Variants in CSMD1 observed in about 807,000 individuals in gnomAD.
CSMD1 encodes the protein CUB and Sushi multiple domains 1, also known as CUB and sushi domain-containing protein 1.
A neutral mutation model predicts 417.5 loss-of-function variants in CSMD1; 213 were observed. The observed-to-expected ratio is 0.51, with a 90% confidence interval of 0.46 to 0.57. The LOEUF (loss-of-function observed/expected upper bound fraction) is 0.57, where lower values mean the gene tolerates loss of function less well. CSMD1 is among the 20% of genes least tolerant of loss of function. The pLI, the probability that CSMD1 is intolerant of heterozygous loss-of-function variation, is 0.00. For synonymous variants in CSMD1, 2,862 were observed against 1,736.8 expected, an observed-to-expected ratio of 1.65 and a Z score of -16.11; for missense variants, 6,923 against 4,529.7, an observed-to-expected ratio of 1.53 and a Z score of -15.17.
At chr8:3,284,517 T>A (rs1424294320) in intron 25 of CSMD1, 171 bp from the exon 26 acceptor site, 8 of 612,962 alleles carry the variant, frequency 1.3e-5, no homozygotes, top group Non-Finnish European at 2.3e-5. Context: ...CCGAAGATAA[T>A]TCAGGAGTGT....
At chr8:4,761,625 C>A (rs1170497160) in intron 1 of CSMD1, among the ~76,000 whole-genome samples, 1 of 151,934 alleles carries the variant, frequency 6.6e-6, no homozygotes, top group African/African-American at 2.4e-5. Flanking sequence ...TTAACACTCC[C>A]AAATGAAATC....
chr8:4,136,314 A>T (rs1283912966), intron 3 of CSMD1, among the ~76,000 whole-genome samples: 1 of 152,194 alleles, frequency 6.6e-6, no homozygotes, highest in Admixed American at 6.5e-5. Context: ...TCCAGATTTT[A>T]TCACTATCTT....
At chr8:3,770,981 T>C (rs980382487) in intron 5 of CSMD1, among the ~76,000 whole-genome samples, 1 of 150,342 alleles carries the variant, frequency 6.7e-6, no homozygotes, top group Non-Finnish European at 1.5e-5. Flanking sequence ...GCATGTTAAT[T>C]TGGACAGTTT....
intron 5 of CSMD1, among the ~76,000 whole-genome samples, chr8:3,800,292 G>C (rs1468064468): frequency 6.6e-6 from 1 of 152,244 alleles, no homozygotes; most frequent in East Asian, 1.9e-4. Flanking sequence ...AATGCCATGA[G>C]AAGTTATACT....
At chr8:3,256,550 A>G (rs1290880342) in intron 26 of CSMD1, among the ~76,000 whole-genome samples, 2 of 152,218 alleles carry the variant, frequency 1.3e-5, no homozygotes, top group Non-Finnish European at 2.9e-5. Context: ...AAAAGCTATA[A>G]TCTTGCCCCT....
chr8:4,905,187 G>A (rs1166702448), intron 1 of CSMD1, among the ~76,000 whole-genome samples: 1 of 151,972 alleles, frequency 6.6e-6, no homozygotes, highest in Non-Finnish European at 1.5e-5. Flanking sequence ...GAAAAAAAAA[G>A]TTATATTTGA....
chr8:4,761,934 T>C (rs935306230), intron 1 of CSMD1, among the ~76,000 whole-genome samples: 4 of 147,846 alleles, frequency 2.7e-5, no homozygotes, highest in Admixed American at 6.8e-5. Context: ...TATCTATCTA[T>C]CTATCTATCT....
intron 3 of CSMD1, among the ~76,000 whole-genome samples, chr8:4,382,707 T>C (rs1803182337): frequency 6.6e-6 from 1 of 151,642 alleles, no homozygotes; most frequent in Non-Finnish European, 1.5e-5. Flanking sequence ...TTGAATTTAC[T>C]GGCTTCTTTG....
intron 2 of CSMD1, among the ~76,000 whole-genome samples, chr8:4,596,290 T>G (rs1022194795): frequency 6.6e-6 from 1 of 152,176 alleles, no homozygotes; most frequent in Non-Finnish European, 1.5e-5. Flanking sequence ...AAGGGAGAGA[T>G]GCTTAACCCA....
At chr8:4,288,323 G>C (rs568337501) in intron 3 of CSMD1, among the ~76,000 whole-genome samples, 1 of 152,064 alleles carries the variant, frequency 6.6e-6, no homozygotes. Flanking sequence ...ACCCTGAAGG[G>C]CTCCCTTCAC....
chr8:3,095,321 TAG>T (rs970297989), intron 47 of CSMD1, among the ~76,000 whole-genome samples: 1 of 152,184 alleles, frequency 6.6e-6, no homozygotes, highest in African/African-American at 2.4e-5. Flanking sequence ...AGGCCTCAAA[TAG>T]AGTTTACCTC....
At chr8:4,003,721 T>C (rs1815883929) in intron 4 of CSMD1, among the ~76,000 whole-genome samples, 1 of 152,196 alleles carries the variant, frequency 6.6e-6, no homozygotes. Context: ...CTTCAGGCGA[T>C]TTACCAACAC....
intron 2 of CSMD1, among the ~76,000 whole-genome samples, chr8:4,553,603 A>G (rs1231769586): frequency 6.6e-6 from 1 of 152,150 alleles, no homozygotes; most frequent in Non-Finnish European, 1.5e-5. Flanking sequence ...TTGATCTAGC[A>G]CTTTAGAAAC....
intron 10 of CSMD1, among the ~76,000 whole-genome samples, chr8:3,536,218 C>A (rs1370581833): frequency 6.6e-6 from 1 of 152,220 alleles, no homozygotes; most frequent in Non-Finnish European, 1.5e-5. Context: ...CTTTTCAAGA[C>A]TCGAAGCATC....
chr8:4,091,140 A>G (rs1025175120), intron 3 of CSMD1, among the ~76,000 whole-genome samples: 1 of 152,068 alleles, frequency 6.6e-6, no homozygotes, highest in African/African-American at 2.4e-5. Flanking sequence ...GCTGGTCTCG[A>G]ATTCCTGACC....
At chr8:4,304,453 C>T (rs1226672336) in intron 3 of CSMD1, among the ~76,000 whole-genome samples, 1 of 152,128 alleles carries the variant, frequency 6.6e-6, no homozygotes, top group Non-Finnish European at 1.5e-5. Context: ...AAGTGACTTG[C>T]TGGAAGTCAC....
intron 3 of CSMD1, among the ~76,000 whole-genome samples, chr8:4,414,387 G>A (rs115925664): frequency 0.028 from 4,328 of 152,198 alleles, 103 homozygotes; most frequent in African/African-American, 0.067. Context: ...TTCAAGGACT[G>A]TATAGAACTG....
At chr8:3,607,358 G>C (rs1442336383) in intron 8 of CSMD1, among the ~76,000 whole-genome samples, 1 of 152,170 alleles carries the variant, frequency 6.6e-6, no homozygotes, top group Non-Finnish European at 1.5e-5. Flanking sequence ...GCCTGGGGCT[G>C]TTTACAGTTA....
chr8:3,294,097 A>T (rs1803781431), intron 25 of CSMD1, among the ~76,000 whole-genome samples: 1 of 152,134 alleles, frequency 6.6e-6, no homozygotes, highest in Admixed American at 6.5e-5. Context: ...TGCACTCCGG[A>T]CCCTGTTTGC....
Sources: allele counts gnomAD v4.1 joint callset (sites outside exome capture counted in the v4.1 genomes callset), GRCh38; gene constraint gnomAD v4.1.1; transcripts MANE v1.5; gene names NCBI Gene and HGNC (gene_info 2026-07-23, HGNC 2026-07-21).